Variants in SFSWAP observed in about 807,000 individuals in gnomAD.
The protein encoded by SFSWAP is splicing factor SWAP, also known as splicing factor, suppressor of white-apricot homolog.
In SFSWAP, 17 loss-of-function variants were observed where a neutral mutation model predicts 100.7. The observed-to-expected ratio is 0.17, with a 90% confidence interval of 0.12 to 0.25. The LOEUF (loss-of-function observed/expected upper bound fraction) is 0.25, where lower values mean the gene tolerates loss of function less well. Among genes scored for constraint, SFSWAP ranks in the 10% least tolerant of loss-of-function variants. The pLI, the probability that SFSWAP is intolerant of heterozygous loss-of-function variation, is 1.00. For missense variants in SFSWAP, 1,005 were observed against 1,262.6 expected (o/e 0.80, Z 3.09); for synonymous variants, 504 against 510.1 (o/e 0.99, Z 0.16).
intron 15 of SFSWAP, among the ~76,000 whole-genome samples, chr12:131,787,662 G>A (rs1445307520): frequency 6.6e-6 from 1 of 152,054 alleles, no homozygotes; most frequent in Non-Finnish European, 1.5e-5. Flanking sequence ...TCCAGAGGAC[G>A]AGCCTTACAT....
At chr12:131,761,914 G>GCCA (rs998856269) in intron 11 of SFSWAP, among the ~76,000 whole-genome samples, 3 of 152,128 alleles carry the variant, frequency 2.0e-5, no homozygotes, top group Non-Finnish European at 4.4e-5. Context: ...TGTGCCATAG[G>GCCA]CCACTCTTAG....
At chr12:131,731,900 A>ATTT (rs1879545417) in intron 7 of SFSWAP, among the ~76,000 whole-genome samples, 1 of 77,880 alleles carries the variant, frequency 1.3e-5, no homozygotes, top group African/African-American at 4.5e-5. Flanking sequence ...TTACTATTTT[A>ATTT]CTTTTTTTTT....
chr12:131,736,984 A>T (rs1329421011), intron 7 of SFSWAP, among the ~76,000 whole-genome samples: 1 of 152,110 alleles, frequency 6.6e-6, no homozygotes, highest in Non-Finnish European at 1.5e-5. Flanking sequence ...CCAACCCAGG[A>T]TGTCTGCTCT....
At chr12:131,744,755 A>G (rs1290950809) in intron 7 of SFSWAP, among the ~76,000 whole-genome samples, 4 of 152,244 alleles carry the variant, frequency 2.6e-5, no homozygotes, top group African/African-American at 9.6e-5. Context: ...GCTGATAAAG[A>G]CATACCTGAG....
chr12:131,728,390 C>A lies in SFSWAP; in HGVS notation c.1043C>A (p.Ala348Glu), dbSNP rs140262217. ...STPTPHNADGAPVQPSQVEYT... is the reference protein window; with the variant it reads ...STPTPHNADGEPVQPSQVEYT... ...CCCACCCCACACAACGCAGACGGTG[C>A]GCCTGTGCAGCCCTCCCAGGTGGAG... The change falls in exon 7 of 18, where the codon GCG becomes GAG. Residue 348 changes from alanine (A) to glutamate (E), a missense_variant. Ala to Glu is a moderately radical substitution (Grantham distance 107). Transcript: ENST00000261674. 6.2e-7 allele frequency: 1 copy of A among 1,614,094 alleles called. No individual in the cohort carries two copies. Among genetic ancestry groups the A allele is most frequent in the Non-Finnish European group, 8.5e-7 (1 of 1,180,032 alleles).
At chr12:131,744,952 T>G (rs556255270) in intron 7 of SFSWAP, among the ~76,000 whole-genome samples, 1 of 152,172 alleles carries the variant, frequency 6.6e-6, no homozygotes, top group Non-Finnish European at 1.5e-5. Flanking sequence ...TTCATTAACA[T>G]GAGAACAGCG....
At chr12:131,750,092 C>G (rs941913463) in intron 7 of SFSWAP, among the ~76,000 whole-genome samples, 2 of 152,192 alleles carry the variant, frequency 1.3e-5, no homozygotes, top group Admixed American at 1.3e-4. Flanking sequence ...CTGGGCTGCT[C>G]CAGATGACTT....
chr12:131,716,283 T>C (rs750975937), intron 3 of SFSWAP, among the ~76,000 whole-genome samples: 2 of 152,256 alleles, frequency 1.3e-5, no homozygotes, highest in East Asian at 3.8e-4. Flanking sequence ...ATTGTAATTA[T>C]ACTGAGTTAA....
intron 14 of SFSWAP, among the ~76,000 whole-genome samples, chr12:131,780,854 G>A (rs1339688530): frequency 6.6e-6 from 1 of 152,120 alleles, no homozygotes; most frequent in Non-Finnish European, 1.5e-5. Context: ...TTGGGGGACC[G>A]ATCATTGTAA....
intron 7 of SFSWAP, among the ~76,000 whole-genome samples, chr12:131,731,312 A>G (rs998690973): frequency 6.6e-6 from 1 of 151,998 alleles, no homozygotes; most frequent in African/African-American, 2.4e-5. Flanking sequence ...CCTGACTCAC[A>G]CGCACCTCCC....
intron 11 of SFSWAP, among the ~76,000 whole-genome samples, chr12:131,761,165 T>G (rs1360240046): frequency 3.3e-5 from 5 of 152,230 alleles, no homozygotes; most frequent in Non-Finnish European, 7.3e-5. Context: ...CTGATTATGT[T>G]CAGATGATTT....
At position 131,714,285 on chromosome 12, in the gene SFSWAP, T is replaced by A; in HGVS notation, c.388+45T>A. 1 of 1,501,066 alleles carries A rather than the reference T, an allele frequency of 6.7e-7. No homozygotes were observed. Among genetic ancestry groups the A allele is most frequent in the South Asian group, 1.3e-5 (1 of 79,774 alleles). The allele number at this position is 1,501,066 out of a possible 1,614,324, so 93.0% of individuals were successfully genotyped here. A position where few individuals can be genotyped will look rare whatever the true frequency, so the allele number is the denominator to read the frequency against. On this transcript the variant is annotated intron_variant, in intron 2 of 17. Coordinates refer to ENST00000261674, the MANE Select transcript of SFSWAP (RefSeq NM_004592.4). This position sits in a 1 kb window ranked among gnomAD's most constrained non-coding sequence, Gnocchi z 6.0. ...TACTTCAGCAACAAACTTTTTAAAA[T>A]TTTTAAGTATTTAAAAATTTACTCC...
intron 13 of SFSWAP, among the ~76,000 whole-genome samples, chr12:131,771,766 G>A (rs1883632728): frequency 6.7e-6 from 1 of 149,382 alleles, no homozygotes; most frequent in African/African-American, 2.5e-5. Context: ...GGGTTCAAGT[G>A]ATTCTCCTGC....
rs141092822 is a variant in SFSWAP, at chr12:131,791,273, C to T, written c.2534+4685C>T. Among the ~76,000 whole-genome samples, 995 of 152,252 alleles carry T rather than the reference C, an allele frequency of 6.5e-3. 14 individuals carry two copies. Among genetic ancestry groups the T allele is most frequent in the African/African-American group, 0.023 (948 of 41,546 alleles). On this transcript the variant is annotated intron_variant, in intron 15 of 17. Transcript: ENST00000261674. ...GTGTGGTGGCAAGTGCCTGTAATCC[C>T]AGCTACTCGGGAGGCTGAGGCAGGA...
At chr12:131,767,868 A>C (rs1466353305) in intron 13 of SFSWAP, among the ~76,000 whole-genome samples, 2 of 152,188 alleles carry the variant, frequency 1.3e-5, no homozygotes, top group Non-Finnish European at 2.9e-5. Context: ...GTGAAGATCA[A>C]AAACCTCCCT....
intron 7 of SFSWAP, among the ~76,000 whole-genome samples, chr12:131,752,052 C>A (rs1306724037): frequency 2.6e-5 from 4 of 152,162 alleles, no homozygotes; most frequent in Non-Finnish European, 5.9e-5. Flanking sequence ...AATATGCCTA[C>A]AGCACATAGG....
At chr12:131,787,582 G>A (rs1177701106) in intron 15 of SFSWAP, among the ~76,000 whole-genome samples, 2 of 152,230 alleles carry the variant, frequency 1.3e-5, no homozygotes, top group Non-Finnish European at 2.9e-5. Flanking sequence ...ATTGCACATC[G>A]TAGCCTTGAG....
At chr12:131,798,615 C>T (rs532887982) in intron 16 of SFSWAP, among the ~76,000 whole-genome samples, 54 of 152,242 alleles carry the variant, frequency 3.5e-4, no homozygotes, top group African/African-American at 1.3e-3. Context: ...GAGGGGTGGG[C>T]GCGGCGGCTC....
At chr12:131,718,428 G>A (rs1002142084) in intron 3 of SFSWAP, among the ~76,000 whole-genome samples, 4 of 152,152 alleles carry the variant, frequency 2.6e-5, no homozygotes, top group African/African-American at 4.8e-5. Context: ...ACATTTCAGT[G>A]TGTCTTTTTA....
Sources: allele counts gnomAD v4.1 joint callset (sites outside exome capture counted in the v4.1 genomes callset), GRCh38; gene constraint gnomAD v4.1.1; non-coding constraint Gnocchi (gnomAD v3.1); transcripts MANE v1.5; gene names NCBI Gene and HGNC (gene_info 2026-07-23, HGNC 2026-07-21).